PPP4R4: variants seen among roughly 807,000 people sequenced by gnomAD.
The protein encoded by PPP4R4 is protein phosphatase 4 regulatory subunit 4, also known as serine/threonine-protein phosphatase 4 regulatory subunit 4.
Under a neutral mutation model 121.8 loss-of-function variants are expected in PPP4R4, and 70 were observed. That is an observed-to-expected ratio of 0.57 (90% CI 0.47 to 0.70). The LOEUF (loss-of-function observed/expected upper bound fraction) is 0.70, where lower values mean the gene tolerates loss of function less well. Among genes scored for constraint, PPP4R4 ranks in the 30% least tolerant of loss-of-function variants. PPP4R4 has a pLI of 0.00. For synonymous variants in PPP4R4, 348 were observed against 355.7 expected (o/e 0.98, Z 0.24); for missense variants, 875 against 1,033.6 (o/e 0.85, Z 2.10).
intron 7 of PPP4R4, among the ~76,000 whole-genome samples, chr14:94,236,655 T>A (rs1322678414): frequency 1.3e-5 from 2 of 152,144 alleles, no homozygotes; most frequent in African/African-American, 4.8e-5. Context: ...TAAGGAAAAT[T>A]AAAGAAAATT....
rs1395121096 is a variant in PPP4R4 at position 94,231,165 on chromosome 14, G to A, written c.443-77G>A. 6.4e-6 allele frequency: 7 copies of A among 1,087,710 alleles called. No individual in the cohort carries two copies. In the East Asian group the frequency reaches 1.4e-4, roughly 22 times the overall value. The allele number at this position is 1,087,710 out of a possible 1,614,324, so 67.4% of individuals were successfully genotyped here. On this transcript the variant is annotated intron_variant, in intron 4 of 24. Transcript: ENST00000304338. ...TTCCATTTTATCATTAAGTGCTATTGTAACTATTAATGGCTGAGTTGAAAC... is the reference window on the plus strand; with the variant it reads ...TTCCATTTTATCATTAAGTGCTATTATAACTATTAATGGCTGAGTTGAAAC...
intron 2 of PPP4R4, among the ~76,000 whole-genome samples, chr14:94,179,814 G>GGAGGACAAGCTTTTA (rs1326421718): frequency 3.9e-5 from 6 of 152,164 alleles, no homozygotes; most frequent in Non-Finnish European, 1.5e-5. Context: ...GTAAGGTCCT[G>GGAGGACAAGCTTTTA]GAGGACAAGC....
chr14:94,227,748 T>C, intron 3 of PPP4R4: 1 of 1,001,088 alleles, frequency 1.0e-6, no homozygotes, highest in Non-Finnish European at 1.2e-6. Context: ...GTTAACAGAC[T>C]CATGTGAACT....
At chr14:94,222,661 A>C (rs1320460173) in intron 3 of PPP4R4, among the ~76,000 whole-genome samples, 1 of 151,674 alleles carries the variant, frequency 6.6e-6, no homozygotes, top group Non-Finnish European at 1.5e-5. Context: ...TGTCTGTTTG[A>C]AAATGTCTTC....
At chr14:94,278,470 G>A (rs1005231504) in intron 24 of PPP4R4, 149 bp from the exon 25 acceptor site, 1 of 383,344 alleles carries the variant, frequency 2.6e-6, no homozygotes, top group Non-Finnish European at 4.6e-6. Context: ...TCATATATTA[G>A]AATTATTCAA....
chr14:94,237,487 C>T, intron 7 of PPP4R4, 78 bp from the exon 8 acceptor site: 2 of 1,355,054 alleles, frequency 1.5e-6, no homozygotes, highest in Non-Finnish European at 2.1e-6. Flanking sequence ...CAGCAACTAG[C>T]CCAGTCACTG....
At chr14:94,191,185 C>G (rs1239797079) in intron 2 of PPP4R4, among the ~76,000 whole-genome samples, 1 of 152,054 alleles carries the variant, frequency 6.6e-6, no homozygotes. Flanking sequence ...TCATACACAT[C>G]TTGTTATACT....
intron 3 of PPP4R4, among the ~76,000 whole-genome samples, chr14:94,226,382 T>C (rs1358568307): frequency 6.6e-6 from 1 of 152,136 alleles, no homozygotes; most frequent in Admixed American, 6.6e-5. Flanking sequence ...AAAACATATC[T>C]CCCTTTGTTA....
At chr14:94,248,179 G>A (rs1892992554) in intron 14 of PPP4R4, among the ~76,000 whole-genome samples, 1 of 152,130 alleles carries the variant, frequency 6.6e-6, no homozygotes, top group South Asian at 2.1e-4. Context: ...GATCTTGTCA[G>A]AAGGCTCCTA....
intron 14 of PPP4R4, among the ~76,000 whole-genome samples, chr14:94,248,620 A>G (rs919877423): frequency 6.6e-5 from 10 of 152,308 alleles, no homozygotes; most frequent in East Asian, 1.9e-4. Context: ...CTGTTTACCC[A>G]GTGTCCTATC....
chr14:94,187,422 A>T (rs1595451670), intron 2 of PPP4R4, among the ~76,000 whole-genome samples: 2 of 152,202 alleles, frequency 1.3e-5, no homozygotes, highest in African/African-American at 4.8e-5. Flanking sequence ...CTTTTAATTA[A>T]TTTTTTAAAT....
chr14:94,217,918 C>T (rs561580831), intron 3 of PPP4R4, among the ~76,000 whole-genome samples: 2 of 152,160 alleles, frequency 1.3e-5, no homozygotes, highest in South Asian at 2.1e-4. Context: ...CGCTTGAACC[C>T]GGGAGGCGGA....
chr14:94,216,179 A>G (rs972129516), intron 3 of PPP4R4, among the ~76,000 whole-genome samples: 2 of 152,252 alleles, frequency 1.3e-5, no homozygotes, highest in Admixed American at 6.5e-5. Context: ...ACTTCCATTT[A>G]GGATATAGAA....
At chr14:94,192,233 T>G (rs1889642125) in intron 2 of PPP4R4, among the ~76,000 whole-genome samples, 1 of 152,176 alleles carries the variant, frequency 6.6e-6, no homozygotes, top group Non-Finnish European at 1.5e-5. Context: ...TTTAAAGATT[T>G]AACATTATTA....
chr14:94,265,037 G>A, intron 20 of PPP4R4, 90 bp downstream of exon 20: 6 of 1,138,844 alleles, frequency 5.3e-6, no homozygotes, highest in Non-Finnish European at 7.6e-6. Context: ...TTTTTTATTT[G>A]ATATGGAAAA....
chr14:94,254,156 A>C (rs1893337860), intron 16 of PPP4R4, among the ~76,000 whole-genome samples: 1 of 152,184 alleles, frequency 6.6e-6, no homozygotes, highest in South Asian at 2.1e-4. Context: ...TGATCATCTC[A>C]TGGGCCCAGG....
chr14:94,253,321 G>A (rs1260827678), intron 16 of PPP4R4, among the ~76,000 whole-genome samples: 1 of 152,108 alleles, frequency 6.6e-6, no homozygotes, highest in Admixed American at 6.5e-5. Flanking sequence ...TGAGCCGGTC[G>A]TGGTGGCACA....
Position 94,240,799 on chromosome 14 carries a change from T to A in PPP4R4, c.976+4T>A. Reference sequence around the variant, plus strand: ...AAACTATGTCATGGACTATATGGTATGATATATCCTAAGAATTTTGAGACT... The same window carrying A: ...AAACTATGTCATGGACTATATGGTAAGATATATCCTAAGAATTTTGAGACT... On this transcript the variant is annotated splice_donor_region_variant and intron_variant, in intron 9 of 24. Coordinates refer to ENST00000304338, the MANE Select transcript of PPP4R4 (RefSeq NM_058237.2). The A allele has an allele frequency of 6.6e-7, 1 of 1,517,484 alleles. No homozygotes were observed. Among genetic ancestry groups the A allele is most frequent in the Non-Finnish European group, 8.8e-7 (1 of 1,139,002 alleles). 94.0% of individuals were successfully genotyped at this position (1,517,484 alleles called of 1,614,324 possible).
In PPP4R4 at chr14:94,271,733, T is replaced by C. The variant is rs190568236; in HGVS notation, c.2450-3641T>C. On this transcript the variant is annotated intron_variant, in intron 23 of 24. Coordinates refer to ENST00000304338, the MANE Select transcript of PPP4R4 (RefSeq NM_058237.2). ...ATCACAGATAACATGATCATCTATG[T>C]AGAAAATCCACAAGAATTGGCAAAA... Among the ~76,000 whole-genome samples the C allele has an allele frequency of 1.4e-4, 22 of 152,278 alleles. No individual in the cohort carries two copies. The East Asian group carries it at 3.5e-3, about 24-fold the overall frequency.
Sources: allele counts gnomAD v4.1 joint callset (sites outside exome capture counted in the v4.1 genomes callset), GRCh38; gene constraint gnomAD v4.1.1; transcripts MANE v1.5; gene names NCBI Gene and HGNC (gene_info 2026-07-23, HGNC 2026-07-21).